The following FCHSD2 variants were observed in gnomAD, a reference collection of about 807,000 sequenced individuals.
The protein encoded by FCHSD2 is FCH and double SH3 domains 2.
Under a neutral mutation model 108.1 loss-of-function variants are expected in FCHSD2, and 38 were observed. The ratio of observed to expected loss-of-function variants is 0.35; its 90% CI spans 0.27 to 0.46. The LOEUF is 0.46. FCHSD2 is among the 20% of genes least tolerant of loss of function. FCHSD2 has a pLI of 1.00. For missense variants in FCHSD2, 751 were observed against 897.8 expected (o/e 0.84, Z 2.09); for synonymous variants, 279 against 314.7 (o/e 0.89, Z 1.20).
Position 72,927,423 on chromosome 11 carries a change from A to G in FCHSD2, c.706-5473T>C, listed in dbSNP as rs138088346. ...TGATGGTGTCAGTGTAGGTTCATCA[A>G]TTGCAACAAATGTGCCACTCTGATG... On this transcript the variant is annotated intron_variant, in intron 8 of 19. Transcript: ENST00000409418. Among the ~76,000 whole-genome samples, 28 of 152,316 alleles carry G rather than the reference A, an allele frequency of 1.8e-4. No individual in the cohort carries two copies. The East Asian group carries it at 5.2e-3, about 28-fold the overall frequency.
chr11:73,110,631 T>C (rs1201549113), intron 2 of FCHSD2, among the ~76,000 whole-genome samples: 1 of 152,184 alleles, frequency 6.6e-6, no homozygotes, highest in Non-Finnish European at 1.5e-5. Flanking sequence ...CTTTTCATTT[T>C]GTTGGTCTTT....
intron 14 of FCHSD2, among the ~76,000 whole-genome samples, chr11:72,848,346 A>G (rs967457009): frequency 2.6e-5 from 4 of 152,152 alleles, no homozygotes; most frequent in Admixed American, 6.6e-5. Flanking sequence ...CTCTGTCTCT[A>G]TACCTGCTGT....
chr11:72,843,054 G>C (rs530840345), intron 16 of FCHSD2, 97 bp downstream of exon 16: 16 of 1,205,808 alleles, frequency 1.3e-5, no homozygotes, highest in Non-Finnish European at 1.9e-5. Flanking sequence ...AGGACAGGAG[G>C]AAAGTTGTGC....
intron 3 of FCHSD2, among the ~76,000 whole-genome samples, chr11:73,067,269 G>A (rs571355456): frequency 7.0e-4 from 107 of 152,154 alleles, no homozygotes; most frequent in Non-Finnish European, 1.4e-3. Flanking sequence ...CTCATAAGTG[G>A]GAGTTGAACA....
intron 14 of FCHSD2, among the ~76,000 whole-genome samples, chr11:72,848,713 G>A (rs1861210906): frequency 6.6e-6 from 1 of 152,102 alleles, no homozygotes; most frequent in African/African-American, 2.4e-5. Context: ...GCCAACAGAG[G>A]GAATGTTGAA....
In FCHSD2 at chr11:73,142,168, C is replaced by T. The variant is rs924699685; in HGVS notation, c.-291G>A. On this transcript the variant is annotated 5_prime_UTR_variant, in exon 1 of 20. Coordinates refer to ENST00000409418, the MANE Select transcript of FCHSD2 (RefSeq NM_014824.3). Reference sequence around the variant, plus strand: ...GGCGGAGACGGCGAGGGGGCGGGGGCCCCAGGAGCAGGGGCGCGAGGGTCT... The same window carrying T: ...GGCGGAGACGGCGAGGGGGCGGGGGTCCCAGGAGCAGGGGCGCGAGGGTCT... 23 of 240,668 alleles carry T rather than the reference C, an allele frequency of 9.6e-5. No individual in the cohort carries two copies. The highest frequency in any genetic ancestry group is 7.5e-4 in the South Asian group (6 of 7,998). 14.9% of individuals were successfully genotyped at this position (240,668 alleles called of 1,614,324 possible).
intron 3 of FCHSD2, among the ~76,000 whole-genome samples, chr11:73,057,193 T>C (rs1345917308): frequency 1.3e-5 from 2 of 152,216 alleles, no homozygotes; most frequent in South Asian, 2.1e-4. Flanking sequence ...AGGACCTTTG[T>C]AGTAAACAAA....
At chr11:72,917,111 A>G (rs1438583050) in intron 9 of FCHSD2, among the ~76,000 whole-genome samples, 1 of 151,874 alleles carries the variant, frequency 6.6e-6, no homozygotes, top group African/African-American at 2.4e-5. Context: ...CAGCCTCCCA[A>G]GCAGCTGGGA....
intron 3 of FCHSD2, among the ~76,000 whole-genome samples, chr11:73,035,460 C>T (rs933584737): frequency 1.3e-5 from 2 of 152,158 alleles, no homozygotes; most frequent in South Asian, 2.1e-4. Context: ...TGAGCCACTG[C>T]GCCTGGCCAT....
At chr11:72,934,580 T>C (rs1856263117) in intron 8 of FCHSD2, among the ~76,000 whole-genome samples, 1 of 152,142 alleles carries the variant, frequency 6.6e-6, no homozygotes, top group Non-Finnish European at 1.5e-5. Flanking sequence ...GTAATCCACT[T>C]GCCTCGGCCT....
rs147372030 is a variant in FCHSD2 at position 73,044,631 on chromosome 11, A to C, written c.166-28746T>G. ...CTATTAATCTACAATAATAGAATTC[A>C]AACTCTGTCCTTAAGAGATTAAGCA... is the stretch of plus-strand genomic sequence containing the variant. On this transcript the variant is annotated intron_variant, in intron 3 of 19. Coordinates refer to ENST00000409418, the MANE Select transcript of FCHSD2 (RefSeq NM_014824.3). Among the ~76,000 whole-genome samples the C allele has an allele frequency of 4.5e-3, 684 of 152,332 alleles. 4 individuals carry two copies. Among genetic ancestry groups the C allele is most frequent in the Non-Finnish European group, 8.0e-3 (547 of 68,028 alleles).
chr11:73,087,725 T>A (rs1301766790), intron 2 of FCHSD2, among the ~76,000 whole-genome samples: 1 of 151,948 alleles, frequency 6.6e-6, no homozygotes, highest in African/African-American at 2.4e-5. Flanking sequence ...AAAAAATTTT[T>A]AAAATAAATT....
chr11:73,029,940 A>C (rs1858319605), intron 3 of FCHSD2, among the ~76,000 whole-genome samples: 1 of 152,130 alleles, frequency 6.6e-6, no homozygotes, highest in Non-Finnish European at 1.5e-5. Context: ...CAAAAACAAA[A>C]ACAAACTAGC....
intron 13 of FCHSD2, among the ~76,000 whole-genome samples, chr11:72,864,576 C>A (rs1359793941): frequency 6.6e-6 from 1 of 151,272 alleles, no homozygotes; most frequent in African/African-American, 2.4e-5. Flanking sequence ...ATGTTGTACA[C>A]CATAAATATA....
At chr11:72,951,257 T>A (rs1353575344) in intron 8 of FCHSD2, among the ~76,000 whole-genome samples, 1 of 152,208 alleles carries the variant, frequency 6.6e-6, no homozygotes, top group Non-Finnish European at 1.5e-5. Context: ...GTGTAGGATA[T>A]TGCTGTAACA....
rs557046230 is a variant in FCHSD2, at chr11:72,836,823, T to A, written c.*1968A>T. ...TTACAGCCACTGTAAAGAAAGCACA[T>A]CTGCACAGAGGCTCCCTCCGAGCCC... On this transcript the variant is annotated 3_prime_UTR_variant, in exon 20 of 20. Transcript: ENST00000409418. The A allele has an allele frequency of 6.5e-6, 1 of 152,738 alleles. No homozygotes were observed. Among genetic ancestry groups the A allele is most frequent in the South Asian group, 2.1e-4 (1 of 4,820 alleles). The allele number at this position is 152,738 out of a possible 1,614,324, so 9.5% of individuals were successfully genotyped here. A position where few individuals can be genotyped will look rare whatever the true frequency, so the allele number is the denominator to read the frequency against.
At position 72,952,416 on chromosome 11, in the gene FCHSD2, C is replaced by T. The variant is rs1051780952; in HGVS notation, c.706-30466G>A. ...TTCGGCTCACTGCAACTTCCGCCTCCCGGGTTCAAGTGATTCTCCTGCCTC... is the reference window on the plus strand; with the variant it reads ...TTCGGCTCACTGCAACTTCCGCCTCTCGGGTTCAAGTGATTCTCCTGCCTC... On this transcript the variant is annotated intron_variant, in intron 8 of 19. Transcript: ENST00000409418. Among the ~76,000 whole-genome samples, 10 of 152,086 alleles carry T rather than the reference C, an allele frequency of 6.6e-5. 1 individual carries two copies. The highest frequency in any genetic ancestry group is 4.2e-4 in the South Asian group (2 of 4,808).
chr11:72,992,816 G>C (rs370333227), intron 5 of FCHSD2, among the ~76,000 whole-genome samples: 4 of 152,076 alleles, frequency 2.6e-5, no homozygotes, highest in African/African-American at 7.2e-5. Context: ...TAGAAGAAAA[G>C]CTAGGCAATA....
chr11:73,069,542 T>C (rs937003368), intron 3 of FCHSD2, among the ~76,000 whole-genome samples: 4 of 151,866 alleles, frequency 2.6e-5, no homozygotes, highest in South Asian at 2.1e-4. Flanking sequence ...AACCCTCAAA[T>C]AGACACAGTT....
Sources: allele counts gnomAD v4.1 joint callset (sites outside exome capture counted in the v4.1 genomes callset), GRCh38; gene constraint gnomAD v4.1.1; transcripts MANE v1.5; gene names NCBI Gene and HGNC (gene_info 2026-07-23, HGNC 2026-07-21).